The following POU2AF1 variants were observed in gnomAD, a reference collection of about 807,000 sequenced individuals.
POU2AF1 encodes POU class 2 homeobox associating factor 1, also known as POU domain class 2-associating factor 1.
Under a neutral mutation model 26.3 loss-of-function variants are expected in POU2AF1, and 12 were observed. The ratio of observed to expected loss-of-function variants is 0.46; its 90% CI spans 0.29 to 0.74. The LOEUF is 0.74. Ranked by LOEUF, POU2AF1 falls within the 30% of genes least tolerant of loss-of-function variation. POU2AF1 has a pLI of 0.09. For synonymous variants in POU2AF1, 175 were observed against 148.0 expected (o/e 1.18, Z -1.32); for missense variants, 297 against 334.5 (o/e 0.89, Z 0.87).
At chr11:111,354,828 T>C (rs1860812210) in intron 4 of POU2AF1, among the ~76,000 whole-genome samples, 1 of 152,158 alleles carries the variant, frequency 6.6e-6, no homozygotes, top group Non-Finnish European at 1.5e-5. Context: ...AGAAGGCTCA[T>C]TTTTCTCATC....
At chr11:111,361,661 C>T (rs747563851) in intron 1 of POU2AF1, among the ~76,000 whole-genome samples, 1 of 152,204 alleles carries the variant, frequency 6.6e-6, no homozygotes, top group Non-Finnish European at 1.5e-5. Flanking sequence ...CCTACTGAGG[C>T]TAACTTATGG....
In POU2AF1 at chr11:111,357,597, A is replaced by G; in HGVS notation, c.304T>C (p.Trp102Arg). The change falls in exon 4 of 5, where the codon TGG becomes CGG. Residue 102 changes from tryptophan to arginine, a missense_variant. Coordinates refer to ENST00000393067, the MANE Select transcript of POU2AF1 (RefSeq NM_006235.3). ...TPATLQPLAP[W>R]TPYTEYVPHE... is the part of the protein sequence containing the mutation. ...GGCACATACTCGGTGTAAGGTGTCC[A>G]TGGGGCCAGGGGCTGCAGGGTGGCC... 1 of 1,614,074 alleles carries G rather than the reference A, an allele frequency of 6.2e-7. No homozygotes were observed. The highest frequency in any genetic ancestry group is 8.5e-7 in the Non-Finnish European group (1 of 1,179,962).
intron 1 of POU2AF1, among the ~76,000 whole-genome samples, chr11:111,361,902 C>T (rs1162781138): frequency 6.6e-6 from 1 of 152,158 alleles, no homozygotes; most frequent in East Asian, 1.9e-4. Context: ...AATCTGAGGA[C>T]AGATACCAGG....
At chr11:111,359,068 T>C (rs1860954042) in intron 1 of POU2AF1, 150 bp from the exon 2 acceptor site, 1 of 1,338,776 alleles carries the variant, frequency 7.5e-7, no homozygotes, top group African/African-American at 1.5e-5. Context: ...CTCTCCAGTA[T>C]TGTCACTCCT....
intron 1 of POU2AF1, among the ~76,000 whole-genome samples, chr11:111,365,192 T>C (rs943509311): frequency 2.0e-5 from 3 of 152,170 alleles, no homozygotes; most frequent in Non-Finnish European, 4.4e-5. Flanking sequence ...GCCCTAACAA[T>C]GGATTCATGA....
At chr11:111,366,362 G>A (rs778533965) in intron 1 of POU2AF1, among the ~76,000 whole-genome samples, 9 of 152,200 alleles carry the variant, frequency 5.9e-5, no homozygotes, top group South Asian at 2.1e-4. Context: ...GAAAACTGAC[G>A]TTAAAGGTGG....
At chr11:111,376,075 A>G (rs1034296178) in intron 1 of POU2AF1, among the ~76,000 whole-genome samples, 2 of 152,214 alleles carry the variant, frequency 1.3e-5, no homozygotes, top group African/African-American at 2.4e-5. Context: ...TGAATTTAAC[A>G]TAACACTGAT....
chr11:111,358,961 C>G, intron 1 of POU2AF1, 43 bp from the exon 2 acceptor site: 1 of 1,563,370 alleles, frequency 6.4e-7, no homozygotes, highest in Non-Finnish European at 8.6e-7. Flanking sequence ...CCTTCTCAGA[C>G]GAGCCCCCAC....
intron 1 of POU2AF1, 146 bp downstream of exon 1, chr11:111,379,014 CCT>C: frequency 2.7e-6 from 1 of 368,410 alleles, no homozygotes; most frequent in Non-Finnish European, 5.2e-6. Context: ...CCACCTCCCC[CCT>C]CCCTGCTCCG....
At chr11:111,357,253 C>T (rs933078527) in intron 4 of POU2AF1, among the ~76,000 whole-genome samples, 192 bp downstream of exon 4, 12 of 152,100 alleles carry the variant, frequency 7.9e-5, no homozygotes, top group African/African-American at 1.2e-4. Context: ...AGAGAGGCTG[C>T]GAGACATCTT....
chr11:111,357,325 C>T (rs1815950), intron 4 of POU2AF1, 120 bp downstream of exon 4: 1,026,678 of 1,436,022 alleles, frequency 0.71, 373,197 homozygotes, highest in Admixed American at 0.81. Context: ...AAGGCGAGCT[C>T]TGATGACCTG....
At chr11:111,373,780 C>T (rs1861257030) in intron 1 of POU2AF1, among the ~76,000 whole-genome samples, 1 of 152,116 alleles carries the variant, frequency 6.6e-6, no homozygotes, top group African/African-American at 2.4e-5. Context: ...ATCACACAAG[C>T]GGGACAAGAG....
At chr11:111,362,578 T>C (rs1861030718) in intron 1 of POU2AF1, among the ~76,000 whole-genome samples, 1 of 152,232 alleles carries the variant, frequency 6.6e-6, no homozygotes, top group Non-Finnish European at 1.5e-5. Flanking sequence ...TGTCTTTCTG[T>C]GCCTGGCTTA....
chr11:111,365,489 T>G (rs1405740877), intron 1 of POU2AF1, among the ~76,000 whole-genome samples: 2 of 152,012 alleles, frequency 1.3e-5, no homozygotes, highest in Non-Finnish European at 2.9e-5. Context: ...CTCTAAGTAA[T>G]CAATGGAAAT....
intron 2 of POU2AF1, among the ~76,000 whole-genome samples, 194 bp downstream of exon 2, chr11:111,358,594 A>G (rs919131981): frequency 9.6e-6 from 1 of 104,418 alleles, no homozygotes; most frequent in South Asian, 2.6e-4. Context: ...CCTCACACAC[A>G]CATACACTCT....
At chr11:111,359,008 CCCT>C in intron 1 of POU2AF1, 90 bp from the exon 2 acceptor site, 1 of 1,512,964 alleles carries the variant, frequency 6.6e-7, no homozygotes, top group Non-Finnish European at 8.8e-7. Context: ...CTGCCTGCTC[CCCT>C]AAGTCGTGCT....
Position 111,352,991 on chromosome 11 carries a change from AAAGAAGGAAG to A in POU2AF1, c.*1260_*1269del, listed in dbSNP as rs1860759867. The A allele has an allele frequency of 1.3e-4, 9 of 71,786 alleles. No individual in the cohort carries two copies. Among genetic ancestry groups the A allele is most frequent in the Admixed American group, 3.1e-4 (2 of 6,488 alleles). The allele number at this position is 71,786 out of a possible 1,614,324, so 4.4% of individuals were successfully genotyped here. A position where few individuals can be genotyped will look rare whatever the true frequency, so the allele number is the denominator to read the frequency against. Reference sequence around the variant, plus strand: ...GAAGGAAGGAAGGAAGGAAGGAAGGAAAGAAGGAAGGAAGGAAGGAAGGAAGGAAGGAAGG... The same window carrying A: ...GAAGGAAGGAAGGAAGGAAGGAAGGAGAAGGAAGGAAGGAAGGAAGGAAGG... On this transcript the variant is annotated 3_prime_UTR_variant, in exon 5 of 5. Coordinates refer to ENST00000393067, the MANE Select transcript of POU2AF1 (RefSeq NM_006235.3).
chr11:111,379,063 A>G, intron 1 of POU2AF1, 99 bp downstream of exon 1: 2 of 1,314,280 alleles, frequency 1.5e-6, no homozygotes, highest in South Asian at 1.4e-5. Flanking sequence ...CCGTGGCCCC[A>G]TCACCTCCAC....
In POU2AF1 at chr11:111,354,540, C is replaced by T. The variant is rs184035718; in HGVS notation, c.492G>A (p.Pro164=). The change falls in exon 5 of 5, where the codon CCG becomes CCA. Residue 164 remains proline, a synonymous_variant. Coordinates refer to ENST00000393067, the MANE Select transcript of POU2AF1 (RefSeq NM_006235.3). ...GTGCCTGGTGCTCTGGGCCCTCCAG[C>T]GGGGGCCCCACTGCGGGCGTGGCGG... is the stretch of plus-strand genomic sequence containing the variant. The part of the protein sequence containing the change: ...RSSATPAVGP[P]LEGPEHQAPL... 60 of 1,549,402 alleles carry T rather than the reference C, an allele frequency of 3.9e-5. No homozygotes were observed. The highest frequency in any genetic ancestry group is 6.6e-5 in the Admixed American group (3 of 45,230).
Sources: allele counts gnomAD v4.1 joint callset (sites outside exome capture counted in the v4.1 genomes callset), GRCh38; gene constraint gnomAD v4.1.1; transcripts MANE v1.5; gene names NCBI Gene and HGNC (gene_info 2026-07-23, HGNC 2026-07-21).